GPHN: variants seen among roughly 807,000 people sequenced by gnomAD.
GPHN encodes gephyrin.
In GPHN, 17 loss-of-function variants were observed where a neutral mutation model predicts 95.5. The observed-to-expected ratio is 0.18, with a 90% CI of 0.12 to 0.27. GPHN has a LOEUF of 0.27. Ranked by LOEUF, GPHN falls within the 10% of genes least tolerant of loss-of-function variation. The pLI, the probability that GPHN is intolerant of heterozygous loss-of-function variation, is 1.00. For missense variants in GPHN, 660 were observed against 978.1 expected (o/e 0.67, Z 4.34); for synonymous variants, 320 against 322.5 (o/e 0.99, Z 0.08).
the GPHN span, chr14:67,393,330 G>A: frequency 1.2e-6 from 1 of 866,960 alleles, no homozygotes. Flanking sequence ...AGGGTATAAA[G>A]CAAGTGGCAA....
At chr14:66,797,986 C>T (rs749506939) in intron 3 of GPHN, among the ~76,000 whole-genome samples, 7 of 151,720 alleles carry the variant, frequency 4.6e-5, no homozygotes, top group Non-Finnish European at 8.9e-5. Flanking sequence ...TTATTATGCT[C>T]AGTTATATTC....
the GPHN span, among the ~76,000 whole-genome samples, chr14:67,521,450 G>A: frequency 6.6e-6 from 1 of 152,180 alleles, no homozygotes; most frequent in Non-Finnish European, 1.5e-5. Context: ...GAAGATTTTG[G>A]TATCCATATG....
At chr14:67,361,091 C>T in the GPHN span, among the ~76,000 whole-genome samples, 2 of 152,152 alleles carry the variant, frequency 1.3e-5, no homozygotes, top group Admixed American at 6.5e-5. Context: ...CTGTGTTAAG[C>T]ATATGTTAGG....
At chr14:67,174,171 C>T (rs2082767615) in intron 21 of GPHN, among the ~76,000 whole-genome samples, 1 of 152,132 alleles carries the variant, frequency 6.6e-6, no homozygotes, top group South Asian at 2.1e-4. Flanking sequence ...TTCCTGCACC[C>T]ATCAACTCGT....
At chr14:66,876,078 A>G (rs1404885856) in intron 4 of GPHN, among the ~76,000 whole-genome samples, 2 of 152,186 alleles carry the variant, frequency 1.3e-5, no homozygotes, top group Non-Finnish European at 2.9e-5. Context: ...TCAAATTAGA[A>G]CTCAGGATTA....
At chr14:66,991,793 A>G (rs1328481405) in intron 9 of GPHN, among the ~76,000 whole-genome samples, 2 of 150,792 alleles carry the variant, frequency 1.3e-5, no homozygotes, top group African/African-American at 4.9e-5. Context: ...AATGATTTGA[A>G]CCCAGGAAGT....
chr14:66,637,719 A>C (rs2064175284), intron 1 of GPHN, among the ~76,000 whole-genome samples: 1 of 152,138 alleles, frequency 6.6e-6, no homozygotes, highest in Non-Finnish European at 1.5e-5. Flanking sequence ...ATATATTATG[A>C]ATATGTATAA....
At chr14:67,475,916 G>T in the GPHN span, among the ~76,000 whole-genome samples, 31 of 152,376 alleles carry the variant, frequency 2.0e-4, no homozygotes, top group South Asian at 6.2e-3. Context: ...ACTCCTTGAG[G>T]ATAGTGACTG....
chr14:67,023,287 T>C (rs1344437073), intron 9 of GPHN, among the ~76,000 whole-genome samples: 1 of 152,108 alleles, frequency 6.6e-6, no homozygotes, highest in African/African-American at 2.4e-5. Flanking sequence ...AGAGATATAC[T>C]GAATGCCTTA....
intron 9 of GPHN, among the ~76,000 whole-genome samples, chr14:66,972,992 T>C (rs1232371935): frequency 6.6e-6 from 1 of 152,182 alleles, no homozygotes; most frequent in African/African-American, 2.4e-5. Flanking sequence ...ACTAAAATAA[T>C]TTTGACTTTG....
chr14:66,800,140 A>G (rs527552343), intron 3 of GPHN, among the ~76,000 whole-genome samples: 1 of 152,088 alleles, frequency 6.6e-6, no homozygotes, highest in South Asian at 2.1e-4. Context: ...TGTTTTTTCT[A>G]TTTATATCTT....
At chr14:67,251,668 A>G in the GPHN span, among the ~76,000 whole-genome samples, 174 of 152,344 alleles carry the variant, frequency 1.1e-3, no homozygotes, top group Non-Finnish European at 1.4e-3. Flanking sequence ...CTGTGATACA[A>G]TAAGAAATAT....
At chr14:66,904,429 G>A (rs1436034716) in intron 5 of GPHN, among the ~76,000 whole-genome samples, 1 of 152,144 alleles carries the variant, frequency 6.6e-6, no homozygotes, top group Non-Finnish European at 1.5e-5. Context: ...AGCGGTGATT[G>A]GTGCGTTTTT....
At chr14:66,644,547 G>T (rs1205274728) in intron 1 of GPHN, among the ~76,000 whole-genome samples, 1 of 151,974 alleles carries the variant, frequency 6.6e-6, no homozygotes, top group Non-Finnish European at 1.5e-5. Flanking sequence ...AACAGCAAAT[G>T]GTTATAACAT....
intron 2 of GPHN, among the ~76,000 whole-genome samples, chr14:66,742,930 T>G (rs889483785): frequency 6.6e-6 from 1 of 151,800 alleles, no homozygotes; most frequent in Non-Finnish European, 1.5e-5. Flanking sequence ...CTTGGCTAAT[T>G]TTTTTTTGTA....
chr14:67,181,297 G>T lies in GPHN; in HGVS notation c.*360G>T. On this transcript the variant is annotated 3_prime_UTR_variant, in exon 23 of 23. Transcript: ENST00000478722. ...CAACTACTTATGCTCTTAAATCAAGGCTGTCTGCTTATTTATACTAGCGTA... is the reference window on the plus strand; with the variant it reads ...CAACTACTTATGCTCTTAAATCAAGTCTGTCTGCTTATTTATACTAGCGTA... 1 of 433,742 alleles carries T rather than the reference G, an allele frequency of 2.3e-6. No homozygotes were observed. The highest frequency in any genetic ancestry group is 4.3e-6 in the Non-Finnish European group (1 of 231,484). The allele number at this position is 433,742 out of a possible 1,614,324, so 26.9% of individuals were successfully genotyped here. A position where few individuals can be genotyped will look rare whatever the true frequency, so the allele number is the denominator to read the frequency against.
intron 18 of GPHN, among the ~76,000 whole-genome samples, chr14:67,148,974 G>C (rs2081074546): frequency 1.3e-5 from 2 of 152,120 alleles, no homozygotes; most frequent in Admixed American, 1.3e-4. Flanking sequence ...CAGATTGAGT[G>C]AATCAGATAT....
At chr14:66,616,736 C>T (rs552763490) in intron 1 of GPHN, among the ~76,000 whole-genome samples, 19 of 152,064 alleles carry the variant, frequency 1.2e-4, no homozygotes, top group Admixed American at 4.6e-4. Context: ...GACGGAGTCT[C>T]GCTATGTTGT....
At chr14:66,591,015 T>G (rs1275523942) in intron 1 of GPHN, among the ~76,000 whole-genome samples, 1 of 152,152 alleles carries the variant, frequency 6.6e-6, no homozygotes, top group African/African-American at 2.4e-5. Flanking sequence ...TGCAAATCAA[T>G]AAACACAATC....
Sources: allele counts gnomAD v4.1 joint callset (sites outside exome capture counted in the v4.1 genomes callset), GRCh38; gene constraint gnomAD v4.1.1; transcripts MANE v1.5; gene names NCBI Gene and HGNC (gene_info 2026-07-23, HGNC 2026-07-21).